PAPSS2: variants seen among roughly 807,000 people sequenced by gnomAD.
PAPSS2 encodes the protein bifunctional 3'-phosphoadenosine 5'-phosphosulfate synthase 2.
A neutral mutation model predicts 66.5 loss-of-function variants in PAPSS2; 61 were observed. The ratio of observed to expected loss-of-function variants is 0.92; its 90% CI spans 0.75 to 1.14. The LOEUF (loss-of-function observed/expected upper bound fraction) is 1.14. Ranked by LOEUF, PAPSS2 falls within the 50% of genes most tolerant of loss-of-function variation. PAPSS2 has a pLI of 0.00. For missense variants in PAPSS2, 708 were observed against 789.6 expected, an observed-to-expected ratio of 0.90 and a Z score of 1.24; for synonymous variants, 289 against 287.5, an observed-to-expected ratio of 1.01 and a Z score of -0.05.
At chr10:87,674,472 T>A (rs1852920080) in intron 1 of PAPSS2, among the ~76,000 whole-genome samples, 1 of 152,196 alleles carries the variant, frequency 6.6e-6, no homozygotes, top group Non-Finnish European at 1.5e-5. Flanking sequence ...AGCAGTAATT[T>A]TTTTTTTATA....
chr10:87,738,417 A>ATGTG (rs58521119), intron 9 of PAPSS2, among the ~76,000 whole-genome samples: 24 of 94,030 alleles, frequency 2.6e-4, no homozygotes, highest in African/African-American at 3.6e-4. Flanking sequence ...GTGTGTGTGT[A>ATGTG]TGTGTGTGTG....
At position 87,659,905 on chromosome 10, in the gene PAPSS2, T is replaced by TGCTGCTGCTGCTGCTGCCGCCGCC; in HGVS notation, c.-75_-74insTGCTGCTGCTGCTGCCGCCGCCGC. The TGCTGCTGCTGCTGCTGCCGCCGCC allele has an allele frequency of 7.0e-7, 1 of 1,423,850 alleles. No homozygotes were observed. The highest frequency in any genetic ancestry group is 9.8e-7 in the Non-Finnish European group (1 of 1,017,240). 88.2% of individuals were successfully genotyped at this position (1,423,850 alleles called of 1,614,324 possible). A position where few individuals can be genotyped will look rare whatever the true frequency, so the allele number is the denominator to read the frequency against. On this transcript the variant is annotated 5_prime_UTR_variant, in exon 1 of 13. Coordinates refer to ENST00000456849, the MANE Select transcript of PAPSS2 (RefSeq NM_001015880.2). Reference sequence around the variant, plus strand: ...CCGCTGCTGCTGCTGCTGCTGCTGCTGCCGCCGCCGCCGCCGCCGTCCCTG... The same window carrying TGCTGCTGCTGCTGCTGCCGCCGCC: ...CCGCTGCTGCTGCTGCTGCTGCTGCTGCTGCTGCTGCTGCTGCCGCCGCCGCCGCCGCCGCCGCCGCCGTCCCTG...
At chr10:87,699,006 A>G (rs1284404990) in intron 1 of PAPSS2, among the ~76,000 whole-genome samples, 1 of 152,260 alleles carries the variant, frequency 6.6e-6, no homozygotes, top group African/African-American at 2.4e-5. Context: ...ATCAAAGTTG[A>G]ATGAAACAGC....
intron 9 of PAPSS2, among the ~76,000 whole-genome samples, chr10:87,740,420 T>C (rs1046952024): frequency 6.6e-6 from 1 of 152,236 alleles, no homozygotes; most frequent in Non-Finnish European, 1.5e-5. Context: ...ATATACAATA[T>C]TGCAAAATCA....
chr10:87,735,290 C>G (rs1467158735), intron 9 of PAPSS2, among the ~76,000 whole-genome samples: 2 of 152,114 alleles, frequency 1.3e-5, no homozygotes, highest in African/African-American at 4.8e-5. Context: ...TGCCCCTTGT[C>G]CCTCCCCATC....
chr10:87,691,608 A>G (rs1329039782), intron 1 of PAPSS2, among the ~76,000 whole-genome samples: 1 of 152,132 alleles, frequency 6.6e-6, no homozygotes, highest in Admixed American at 6.5e-5. Context: ...AGTGCCCATG[A>G]GAGTCTTAAA....
Position 87,713,312 on chromosome 10 carries a change from T to TAAAAAAAA in PAPSS2, c.381+17_381+24dup, listed in dbSNP as rs367885911. 1.3e-3 allele frequency: 735 copies of TAAAAAAAA among 574,976 alleles called. 33 individuals are homozygous for TAAAAAAAA. The highest frequency in any genetic ancestry group is 8.5e-3 in the African/African-American group (266 of 31,232). The allele number at this position is 574,976 out of a possible 1,614,324, so 35.6% of individuals were successfully genotyped here. On this transcript the variant is annotated splice_region_variant and intron_variant, in intron 3 of 12. Transcript: ENST00000456849. The stretch of plus-strand genomic sequence containing the variant: ...AGCTTTATTTCTCCATTCGCAAAGG[T>TAAAAAAAA]AAAAAAAAAAAAAAAAAAAAAAGGC...
At chr10:87,734,135 G>A (rs1008979635) in intron 9 of PAPSS2, among the ~76,000 whole-genome samples, 1 of 151,984 alleles carries the variant, frequency 6.6e-6, no homozygotes, top group African/African-American at 2.4e-5. Flanking sequence ...CCTTTATTAA[G>A]ATACAATTTA....
intron 12 of PAPSS2, 74 bp from the exon 13 acceptor site, chr10:87,745,758 A>G (rs1853929438): frequency 5.9e-6 from 9 of 1,519,480 alleles, no homozygotes; most frequent in African/African-American, 4.1e-5. Flanking sequence ...CTCAAAAACC[A>G]TAACCTACTC....
At chr10:87,730,488 T>C (rs972965524) in intron 9 of PAPSS2, among the ~76,000 whole-genome samples, 3 of 152,188 alleles carry the variant, frequency 2.0e-5, no homozygotes, top group Non-Finnish European at 4.4e-5. Context: ...GACCTTTAAA[T>C]GTGTCAAAGT....
intron 2 of PAPSS2, among the ~76,000 whole-genome samples, chr10:87,710,720 G>C (rs1011964414): frequency 6.6e-6 from 1 of 152,112 alleles, no homozygotes; most frequent in African/African-American, 2.4e-5. Flanking sequence ...AAAAATCAAG[G>C]CCGGGCTTGG....
rs375811013 is a variant in PAPSS2 at position 87,691,710 on chromosome 10, T to C, written c.28-17486T>C. On this transcript the variant is annotated intron_variant, in intron 1 of 12. Transcript: ENST00000456849. ...CTCAGTCTGTCTGTAGGTGGGAAGATTAGCCAAAGCCTCACAGCAATGTTT... is the reference window on the plus strand; with the variant it reads ...CTCAGTCTGTCTGTAGGTGGGAAGACTAGCCAAAGCCTCACAGCAATGTTT... Among the ~76,000 whole-genome samples the C allele has an allele frequency of 1.3e-4, 20 of 152,256 alleles. No homozygotes were observed. In the East Asian group the frequency reaches 3.7e-3, roughly 28 times the overall value.
chr10:87,730,615 A>G (rs934528566), intron 9 of PAPSS2, among the ~76,000 whole-genome samples: 2 of 152,116 alleles, frequency 1.3e-5, no homozygotes, highest in African/African-American at 4.8e-5. Flanking sequence ...ATTTTTAGCT[A>G]TTTTTGTATT....
chr10:87,708,768 C>G (rs1048263664), intron 1 of PAPSS2, among the ~76,000 whole-genome samples: 4 of 151,808 alleles, frequency 2.6e-5, no homozygotes, highest in Admixed American at 6.6e-5. Context: ...TTCTGTTTGC[C>G]AATTATAGAA....
intron 1 of PAPSS2, among the ~76,000 whole-genome samples, chr10:87,688,067 T>A (rs1853110774): frequency 6.6e-6 from 1 of 152,200 alleles, no homozygotes; most frequent in Admixed American, 6.5e-5. Context: ...GAGAAATGGA[T>A]GTGTACTAAC....
intron 1 of PAPSS2, among the ~76,000 whole-genome samples, chr10:87,701,348 C>A (rs1589429828): frequency 2.3e-5 from 2 of 86,970 alleles, no homozygotes; most frequent in Admixed American, 2.9e-4. Flanking sequence ...TTCTTTCTTT[C>A]TTTCTTTCTT....
At chr10:87,725,761 T>A (rs1853650485) in intron 8 of PAPSS2, among the ~76,000 whole-genome samples, 1 of 151,996 alleles carries the variant, frequency 6.6e-6, no homozygotes, top group Admixed American at 6.6e-5. Flanking sequence ...AGTGGAGTGA[T>A]CAGGGCTCAT....
chr10:87,735,616 G>A (rs560926225), intron 9 of PAPSS2, among the ~76,000 whole-genome samples: 1 of 152,256 alleles, frequency 6.6e-6, no homozygotes, highest in South Asian at 2.1e-4. Flanking sequence ...CGAAAACCTT[G>A]CATAATTGCC....
intron 1 of PAPSS2, among the ~76,000 whole-genome samples, chr10:87,691,034 T>C (rs1853165533): frequency 6.6e-6 from 1 of 152,160 alleles, no homozygotes; most frequent in Non-Finnish European, 1.5e-5. Context: ...TTTCTATCTT[T>C]CTACACAGTG....
Sources: gnomAD v4.1 joint callset for allele counts (sites outside exome capture counted in the v4.1 genomes callset) on GRCh38, gnomAD v4.1.1 for gene constraint, MANE v1.5 for transcripts, NCBI Gene and HGNC (gene_info 2026-07-23, HGNC 2026-07-21) for gene names.